Variants in HKDC1 observed in about 807,000 individuals in gnomAD.
HKDC1 encodes hexokinase domain containing 1.
HKDC1 carries 66 observed loss-of-function variants against 96.6 expected under a neutral mutation model. The ratio of observed to expected loss-of-function variants is 0.68; its 90% CI spans 0.56 to 0.84. The LOEUF (loss-of-function observed/expected upper bound fraction) is 0.84. HKDC1 is among the 40% of genes least tolerant of loss of function. HKDC1 has a pLI of 0.00. For synonymous variants in HKDC1, 466 were observed against 473.1 expected, an observed-to-expected ratio of 0.98 and a Z score of 0.20; for missense variants, 1,211 against 1,208.1, an observed-to-expected ratio of 1.00 and a Z score of -0.04.
intron 16 of HKDC1, 76 bp from the exon 17 acceptor site, chr10:69,265,509 G>A: frequency 1.6e-6 from 2 of 1,247,228 alleles, no homozygotes; most frequent in Non-Finnish European, 2.3e-6. Flanking sequence ...CTAAGAATGG[G>A]GAGGCTGTGG....
At position 69,248,704 on chromosome 10, in the gene HKDC1, G is replaced by A. The variant is rs776482675; in HGVS notation, c.1546G>A (p.Val516Ile). 8.7e-6 allele frequency: 14 copies of A among 1,610,888 alleles called. No individual in the cohort carries two copies. The highest frequency in any genetic ancestry group is 6.7e-5 in the East Asian group (3 of 44,810). The change falls in exon 10 of 18, where the codon GTC (valine) becomes ATC (isoleucine). Residue 516 changes from valine to isoleucine, a missense_variant. Transcript: ENST00000354624. Reference sequence around the variant, plus strand: ...CACGGTCAGGATGCTGCCCACCTACGTCTGCGGGCTGCCGGACGGCACAGG... The same window carrying A: ...CACGGTCAGGATGCTGCCCACCTACATCTGCGGGCTGCCGGACGGCACAGG... The part of the protein sequence containing the change: ...LATVRMLPTY[V>I]CGLPDGTEKG...
At chr10:69,243,542 G>A (rs1032071390) in intron 7 of HKDC1, among the ~76,000 whole-genome samples, 177 bp downstream of exon 7, 1 of 149,668 alleles carries the variant, frequency 6.7e-6, no homozygotes, top group Non-Finnish European at 1.5e-5. Flanking sequence ...TCTAGCCCAG[G>A]CTGAAGTGCG....
chr10:69,259,740 G>A (rs1255984051), intron 15 of HKDC1, among the ~76,000 whole-genome samples: 2 of 152,156 alleles, frequency 1.3e-5, no homozygotes, highest in Non-Finnish European at 2.9e-5. Context: ...TTACATGGCT[G>A]GAGAAGGAGG....
intron 6 of HKDC1, among the ~76,000 whole-genome samples, chr10:69,242,426 G>GAAAAA (rs1294586012): frequency 3.2e-5 from 1 of 31,250 alleles, no homozygotes; most frequent in Non-Finnish European, 5.3e-5. Flanking sequence ...GGAAGATACT[G>GAAAAA]AAGAAAAAAA....
chr10:69,224,445 G>T (rs1843116802), intron 1 of HKDC1, among the ~76,000 whole-genome samples: 1 of 151,926 alleles, frequency 6.6e-6, no homozygotes, highest in Non-Finnish European at 1.5e-5. Flanking sequence ...CACCACGCCT[G>T]GCTAATTTTT....
chr10:69,242,594 A>G (rs760412039), intron 6 of HKDC1, among the ~76,000 whole-genome samples: 9 of 152,194 alleles, frequency 5.9e-5, no homozygotes, highest in African/African-American at 1.9e-4. Context: ...AAAGAGTCCA[A>G]AAAGATGGTG....
Position 69,248,517 on chromosome 10 carries a change from C to T in HKDC1, c.1359C>T (p.Ala453=), listed in dbSNP as rs377386129. 5.7e-5 allele frequency: 92 copies of T among 1,613,336 alleles called. No individual in the cohort carries two copies. Among genetic ancestry groups the T allele is most frequent in the East Asian group, 1.1e-4 (5 of 44,880 alleles). The change falls in exon 10 of 18, where the codon GCC becomes GCT. Residue 453 remains alanine, a synonymous_variant. Transcript: ENST00000354624. ...CAGAGAGTGGCAGCACCAAGGGGGC[C>T]GCCATGGTGACCGCGGTGGCCTCCC... ...LLSESGSTKG[A]AMVTAVASRV...
At position 69,250,740 on chromosome 10, in the gene HKDC1, C is replaced by A. The variant is rs996622854; in HGVS notation, c.1836+88C>A. ...CTCCAGGTAACTCCCAGCCTGCCTT[C>A]ATTTTTACAGGGATCTTGGGTTCAG... On this transcript the variant is annotated intron_variant, in intron 12 of 17. Transcript: ENST00000354624. The A allele has an allele frequency of 2.7e-6, 4 of 1,463,782 alleles. No individual in the cohort carries two copies. In the African/African-American group the frequency reaches 4.2e-5, roughly 15 times the overall value. 90.7% of individuals were successfully genotyped at this position (1,463,782 alleles called of 1,614,324 possible).
Position 69,264,377 on chromosome 10 carries a change from CT to C in HKDC1, c.2373-1194del, listed in dbSNP as rs577342194. ...GTGAAATATTCTCACGCAAACTCAT[CT>C]TTTTTTTTTTTTTGAGACAAGATCT... On this transcript the variant is annotated intron_variant, in intron 16 of 17. Coordinates refer to ENST00000354624, the MANE Select transcript of HKDC1 (RefSeq NM_025130.4). Among the ~76,000 whole-genome samples, 506 of 141,856 alleles carry C rather than the reference CT, an allele frequency of 3.6e-3. 1 individual carries two copies. Among genetic ancestry groups the C allele is most frequent in the African/African-American group, 7.2e-3 (282 of 38,924 alleles). The allele number at this position is 141,856 out of a possible 152,430, so 93.1% of individuals were successfully genotyped here. A position where few individuals can be genotyped will look rare whatever the true frequency, so the allele number is the denominator to read the frequency against.
In HKDC1 at chr10:69,250,307, G is replaced by C; in HGVS notation, c.1588G>C (p.Ala530Pro). 1 of 1,613,692 alleles carries C rather than the reference G, an allele frequency of 6.2e-7. No individual in the cohort carries two copies. The highest frequency in any genetic ancestry group is 1.1e-5 in the South Asian group (1 of 91,030). The change falls in exon 11 of 18, where the codon GCC becomes CCC. Residue 530 changes from alanine to proline, a missense_variant. Transcript: ENST00000354624. ...CATCACAGAGAAAGGAAAGTTTCTC[G>C]CCCTGGATCTTGGGGGAACCAACTT... ...PDGTEKGKFL[A>P]LDLGGTNFRV...
intron 15 of HKDC1, among the ~76,000 whole-genome samples, chr10:69,260,380 C>T (rs1843785955): frequency 6.6e-6 from 1 of 152,302 alleles, no homozygotes; most frequent in African/African-American, 2.4e-5. Context: ...GTTGGGGCAC[C>T]TGAGTGTCAT....
rs1182238952 is a variant in HKDC1, at chr10:69,228,959, AAAG to A, written c.226+1596_226+1598del. On this transcript the variant is annotated intron_variant, in intron 2 of 17. Coordinates refer to ENST00000354624, the MANE Select transcript of HKDC1 (RefSeq NM_025130.4). ...AGAAGAAAGAGAAAGAAAGAAAGAGAAAGAAGAAAGAAAGAAAGCAAAGAAAAA... is the reference window on the plus strand; with the variant it reads ...AGAAGAAAGAGAAAGAAAGAAAGAGAAAGAAAGAAAGAAAGCAAAGAAAAA... Among the ~76,000 whole-genome samples, 8 of 152,268 alleles carry A rather than the reference AAAG, an allele frequency of 5.3e-5. No homozygotes were observed. The East Asian group carries it at 7.7e-4, about 15-fold the overall frequency.
intron 16 of HKDC1, among the ~76,000 whole-genome samples, chr10:69,263,183 G>A (rs1034706202): frequency 2.0e-5 from 3 of 152,068 alleles, no homozygotes; most frequent in African/African-American, 7.2e-5. Context: ...TCCCACCTCA[G>A]CTGCCACCAC....
chr10:69,220,555 G>T, intron 1 of HKDC1, 57 bp downstream of exon 1: 1 of 1,286,354 alleles, frequency 7.8e-7, no homozygotes, highest in Non-Finnish European at 1.1e-6. Context: ...GGACAAAACT[G>T]ATTCCCTTAA....
At chr10:69,238,909 T>C (rs1216952633) in intron 4 of HKDC1, 133 bp from the exon 5 acceptor site, 1 of 564,850 alleles carries the variant, frequency 1.8e-6, no homozygotes, top group Non-Finnish European at 3.2e-6. Flanking sequence ...AAGCAATGTT[T>C]TAAAAAAATT....
At chr10:69,223,479 A>C (rs1457250699) in intron 1 of HKDC1, among the ~76,000 whole-genome samples, 2 of 151,550 alleles carry the variant, frequency 1.3e-5, no homozygotes, top group African/African-American at 4.9e-5. Context: ...CTTAATATCC[A>C]ATCAAGTGGA....
At chr10:69,255,963 A>T (rs1342441000) in intron 12 of HKDC1, among the ~76,000 whole-genome samples, 2 of 152,066 alleles carry the variant, frequency 1.3e-5, no homozygotes, top group Non-Finnish European at 2.9e-5. Context: ...TATTATAAAA[A>T]TCATATATGT....
At chr10:69,224,825 G>A (rs1365388583) in intron 1 of HKDC1, among the ~76,000 whole-genome samples, 1 of 152,120 alleles carries the variant, frequency 6.6e-6, no homozygotes, top group African/African-American at 2.4e-5. Context: ...TTGCTTAGAC[G>A]ATATCTCCCA....
In HKDC1 at chr10:69,261,736, T is replaced by G. The variant is rs551026821; in HGVS notation, c.2372+442T>G. 12 of 175,898 alleles carry G rather than the reference T, an allele frequency of 6.8e-5. No individual in the cohort carries two copies. The East Asian group carries it at 1.6e-3, about 23-fold the overall frequency. 10.9% of individuals were successfully genotyped at this position (175,898 alleles called of 1,614,324 possible). A position where few individuals can be genotyped will look rare whatever the true frequency, so the allele number is the denominator to read the frequency against. Reference sequence around the variant, plus strand: ...CAAAAATTAATGGTTTTTACAGTTCTTTTGTTTGCATCAGTATCCAGACAA... The same window carrying G: ...CAAAAATTAATGGTTTTTACAGTTCGTTTGTTTGCATCAGTATCCAGACAA... On this transcript the variant is annotated intron_variant, in intron 16 of 17. Coordinates refer to ENST00000354624, the MANE Select transcript of HKDC1 (RefSeq NM_025130.4).
Sources: allele counts gnomAD v4.1 joint callset (sites outside exome capture counted in the v4.1 genomes callset), GRCh38; gene constraint gnomAD v4.1.1; transcripts MANE v1.5; gene names NCBI Gene and HGNC (gene_info 2026-07-23, HGNC 2026-07-21).